The following CLIC5 variants were observed in gnomAD, a reference collection of about 807,000 sequenced individuals.
CLIC5 encodes CLIC family member 5, also known as chloride intracellular channel protein 5.
Under a neutral mutation model 24.7 loss-of-function variants are expected in CLIC5, and 20 were observed. The ratio of observed to expected loss-of-function variants is 0.81; its 90% CI spans 0.57 to 1.18. The LOEUF (loss-of-function observed/expected upper bound fraction) is 1.18. CLIC5 is among the 50% of genes most tolerant of loss of function. CLIC5 has a pLI of 0.00. For missense variants in CLIC5, 341 were observed against 326.1 expected (o/e 1.05, Z -0.35); for synonymous variants, 159 against 135.6 (o/e 1.17, Z -1.20).
At chr6:46,004,017 A>G (rs1307179859) in intron 1 of CLIC5, among the ~76,000 whole-genome samples, 3 of 152,240 alleles carry the variant, frequency 2.0e-5, no homozygotes, top group Non-Finnish European at 4.4e-5. Context: ...AAAAAACTGT[A>G]TGTACACACA....
upstream of CLIC5, among the ~76,000 whole-genome samples, chr6:46,083,831 G>T (rs1262465022): frequency 6.6e-6 from 1 of 151,658 alleles, no homozygotes; most frequent in Non-Finnish European, 1.5e-5. Context: ...GGGTATCCTT[G>T]TTAACTTTCT....
At chr6:46,084,973 C>A (rs1430360008), upstream of CLIC5, among the ~76,000 whole-genome samples, 1 of 152,134 alleles carries the variant, frequency 6.6e-6, no homozygotes, top group East Asian at 1.9e-4. Flanking sequence ...TTGTTCGTTT[C>A]TTTTTATTCT....
In CLIC5 at chr6:45,892,607, C is replaced by G. The variant is rs186686468; in HGVS notation, c.624-11419G>C. ...CTTAGGGGAGCTTATTTCCATGATGCAACCATGTGTTTTATCTGGTGGCTT... is the reference window on the plus strand; with the variant it reads ...CTTAGGGGAGCTTATTTCCATGATGGAACCATGTGTTTTATCTGGTGGCTT... On this transcript the variant is annotated intron_variant, in intron 6 of 6. Transcript: ENST00000644324. Among the ~76,000 whole-genome samples, 9 of 152,316 alleles carry G rather than the reference C, an allele frequency of 5.9e-5. No homozygotes were observed. In the East Asian group the frequency reaches 1.2e-3, roughly 20 times the overall value.
rs553874567 is a variant in CLIC5, at chr6:45,900,620, G to A, written c.*2468C>T. ...CATAAGACACCATAACTAACTCTTA[G>A]TCCATAGTCACTTGCATTATATGAT... is the stretch of plus-strand genomic sequence containing the variant. On this transcript the variant is annotated 3_prime_UTR_variant, in exon 6 of 6. Coordinates refer to ENST00000339561, the MANE Select transcript of CLIC5 (RefSeq NM_016929.5). The A allele has an allele frequency of 6.6e-6, 1 of 151,036 alleles. No homozygotes were observed. Among genetic ancestry groups the A allele is most frequent in the African/African-American group, 2.4e-5 (1 of 40,994 alleles). 9.4% of individuals were successfully genotyped at this position (151,036 alleles called of 1,614,324 possible).
chr6:46,122,472 A>G, the CLIC5 span, among the ~76,000 whole-genome samples: 34 of 152,366 alleles, frequency 2.2e-4, no homozygotes, highest in African/African-American at 7.9e-4. Flanking sequence ...CCCACAACAG[A>G]AAGCAGGAAA....
intron 6 of CLIC5, among the ~76,000 whole-genome samples, chr6:45,887,481 GC>G (rs958927984): frequency 1.3e-5 from 2 of 152,172 alleles, no homozygotes; most frequent in Non-Finnish European, 2.9e-5. Flanking sequence ...TGAGCCCTAA[GC>G]CCATATGAGA....
chr6:46,036,876 A>G (rs1362725121), intron 1 of CLIC5, among the ~76,000 whole-genome samples: 2 of 152,164 alleles, frequency 1.3e-5, no homozygotes, highest in African/African-American at 4.8e-5. Flanking sequence ...GAATCACTGC[A>G]CTCCAAATTC....
chr6:46,090,243 G>A, the CLIC5 span, among the ~76,000 whole-genome samples: 6 of 152,282 alleles, frequency 3.9e-5, no homozygotes, highest in Admixed American at 6.5e-5. Context: ...GATCAGGTGT[G>A]AAATCACCTT....
chr6:46,048,641 A>G (rs1246463186), intron 1 of CLIC5, among the ~76,000 whole-genome samples: 6 of 152,040 alleles, frequency 3.9e-5, no homozygotes, highest in Admixed American at 2.6e-4. Flanking sequence ...CTCCATTACT[A>G]GTCCAGCTCC....
chr6:46,101,027 C>T, the CLIC5 span, among the ~76,000 whole-genome samples: 53 of 152,262 alleles, frequency 3.5e-4, no homozygotes, highest in Middle Eastern at 3.4e-3. Context: ...AAAGAATTCC[C>T]GTGGAAACTT....
chr6:46,108,423 T>A, the CLIC5 span, among the ~76,000 whole-genome samples: 1 of 143,952 alleles, frequency 6.9e-6, no homozygotes, highest in East Asian at 2.2e-4. Flanking sequence ...AGAGATGGAG[T>A]TTCATTCTTG....
chr6:46,118,987 A>C, the CLIC5 span, among the ~76,000 whole-genome samples: 6 of 152,212 alleles, frequency 3.9e-5, no homozygotes, highest in African/African-American at 1.4e-4. Context: ...AGAATCAGAG[A>C]GGGAGAGATT....
At chr6:46,082,902 A>G (rs989922513), upstream of CLIC5, among the ~76,000 whole-genome samples, 3 of 152,220 alleles carry the variant, frequency 2.0e-5, no homozygotes, top group East Asian at 3.8e-4. Flanking sequence ...TCCTACTAGA[A>G]TGTAAACCCT....
chr6:45,997,891 C>G (rs2082362249), intron 1 of CLIC5, among the ~76,000 whole-genome samples: 1 of 152,244 alleles, frequency 6.6e-6, no homozygotes, highest in African/African-American at 2.4e-5. Flanking sequence ...TTTATACAAT[C>G]TGAATTAAGC....
chr6:46,011,563 C>T (rs1766811856), intron 1 of CLIC5, among the ~76,000 whole-genome samples: 1 of 152,194 alleles, frequency 6.6e-6, no homozygotes, highest in Admixed American at 6.5e-5. Flanking sequence ...GGCTGAGAAC[C>T]ACTGGTTTCT....
chr6:46,087,663 G>T, the CLIC5 span, among the ~76,000 whole-genome samples: 3 of 152,176 alleles, frequency 2.0e-5, no homozygotes, highest in South Asian at 6.2e-4. Flanking sequence ...CACTTTAGTA[G>T]CTCTCTAACA....
chr6:45,924,989 A>G (rs946199121), intron 4 of CLIC5, among the ~76,000 whole-genome samples: 1 of 152,234 alleles, frequency 6.6e-6, no homozygotes, highest in African/African-American at 2.4e-5. Context: ...CTGTGAAACA[A>G]GAATGAAAGT....
intron 5 of CLIC5, chr6:45,913,630 T>C: frequency 2.1e-6 from 1 of 471,388 alleles, no homozygotes; most frequent in South Asian, 1.2e-4. Context: ...CCTTTCCAAC[T>C]CTCAGATTCC....
chr6:46,017,306 T>G (rs925448967), upstream of CLIC5, among the ~76,000 whole-genome samples: 1 of 152,234 alleles, frequency 6.6e-6, no homozygotes, highest in Non-Finnish European at 1.5e-5. Flanking sequence ...TATTAAAAAA[T>G]TTATCGCTTA....
Sources: allele counts gnomAD v4.1 joint callset (sites outside exome capture counted in the v4.1 genomes callset), GRCh38; gene constraint gnomAD v4.1.1; transcripts MANE v1.5; gene names NCBI Gene and HGNC (gene_info 2026-07-23, HGNC 2026-07-21).